FBXL7: variants seen among roughly 807,000 people sequenced by gnomAD.
FBXL7 encodes the protein F-box and leucine rich repeat protein 7.
In FBXL7, 12 loss-of-function variants were observed where a neutral mutation model predicts 38.3. The ratio of observed to expected loss-of-function variants is 0.31; its 90% CI spans 0.20 to 0.51. The LOEUF is 0.51. Ranked by LOEUF, FBXL7 falls within the 20% of genes least tolerant of loss-of-function variation. The probability of loss-of-function intolerance (pLI) is 0.98; values close to 1 mark genes in which losing one functional copy is unlikely to be tolerated. For synonymous variants in FBXL7, 297 were observed against 300.9 expected, an observed-to-expected ratio of 0.99 and a Z score of 0.13; for missense variants, 567 against 676.4, an observed-to-expected ratio of 0.84 and a Z score of 1.79.
intron 1 of FBXL7, among the ~76,000 whole-genome samples, chr5:15,584,748 G>A (rs976314023): frequency 1.3e-5 from 2 of 152,136 alleles, no homozygotes; most frequent in African/African-American, 4.8e-5. Context: ...CCAGTTTACT[G>A]TATTAGTCCA....
chr5:15,662,915 G>T (rs1263413410), intron 2 of FBXL7, among the ~76,000 whole-genome samples: 3 of 152,164 alleles, frequency 2.0e-5, no homozygotes, highest in African/African-American at 7.2e-5. Context: ...CTGTAGTATA[G>T]TTTGAAGTCA....
chr5:15,814,667 AT>A (rs781060148), intron 2 of FBXL7, among the ~76,000 whole-genome samples: 2 of 152,174 alleles, frequency 1.3e-5, no homozygotes, highest in African/African-American at 2.4e-5. Context: ...ATTTAAAAAA[AT>A]GTTCCATGAT....
intron 2 of FBXL7, among the ~76,000 whole-genome samples, chr5:15,717,397 C>T (rs369010619): frequency 2.0e-5 from 3 of 152,146 alleles, no homozygotes; most frequent in South Asian, 2.1e-4. Flanking sequence ...CAAAACAATT[C>T]GAAAGATGTT....
intron 2 of FBXL7, among the ~76,000 whole-genome samples, chr5:15,766,184 A>G (rs935418430): frequency 6.6e-6 from 1 of 152,144 alleles, no homozygotes; most frequent in Admixed American, 6.6e-5. Context: ...CATTCCCCAA[A>G]TACGGAATGC....
intron 2 of FBXL7, among the ~76,000 whole-genome samples, chr5:15,875,310 C>T (rs564913377): frequency 1.3e-5 from 2 of 152,306 alleles, no homozygotes; most frequent in South Asian, 4.1e-4. Context: ...CATAAAAACC[C>T]TAGAAGAAAA....
chr5:15,641,010 A>G (rs1741350940), intron 2 of FBXL7, among the ~76,000 whole-genome samples: 1 of 152,186 alleles, frequency 6.6e-6, no homozygotes, highest in African/African-American at 2.4e-5. Flanking sequence ...CCCAGCCACT[A>G]TTGTGAATAG....
At chr5:15,561,461 C>T (rs765776697) in intron 1 of FBXL7, among the ~76,000 whole-genome samples, 27 of 152,080 alleles carry the variant, frequency 1.8e-4, no homozygotes, top group Non-Finnish European at 3.5e-4. Context: ...TGCATTCATC[C>T]GCTGATGGAT....
intron 2 of FBXL7, among the ~76,000 whole-genome samples, chr5:15,653,890 A>C (rs994785708): frequency 1.3e-5 from 2 of 152,196 alleles, no homozygotes; most frequent in Non-Finnish European, 1.5e-5. Flanking sequence ...AGTTTTCCTA[A>C]CTTTGCATGA....
chr5:15,833,500 G>A (rs1738511542), intron 2 of FBXL7, among the ~76,000 whole-genome samples: 1 of 152,220 alleles, frequency 6.6e-6, no homozygotes, highest in Non-Finnish European at 1.5e-5. Context: ...CAGTCCCAGA[G>A]TGCGTTATTT....
intron 2 of FBXL7, among the ~76,000 whole-genome samples, chr5:15,872,912 A>G (rs1222820952): frequency 6.6e-6 from 1 of 151,980 alleles, no homozygotes; most frequent in East Asian, 1.9e-4. Context: ...ACTTGAACTC[A>G]GCTCTGGACC....
intron 2 of FBXL7, among the ~76,000 whole-genome samples, chr5:15,668,986 G>A (rs1742373578): frequency 6.6e-6 from 1 of 152,180 alleles, no homozygotes; most frequent in Admixed American, 6.5e-5. Context: ...ACAATGCTTA[G>A]AGTGAGGGAT....
chr5:15,840,269 C>A (rs1738706502), intron 2 of FBXL7, among the ~76,000 whole-genome samples: 1 of 152,148 alleles, frequency 6.6e-6, no homozygotes, highest in Non-Finnish European at 1.5e-5. Context: ...TCTCACTGAT[C>A]TATTTTTCTA....
At chr5:15,880,698 G>T (rs1349271329) in intron 2 of FBXL7, among the ~76,000 whole-genome samples, 2 of 130,584 alleles carry the variant, frequency 1.5e-5, no homozygotes, top group Non-Finnish European at 3.1e-5. Flanking sequence ...ACTCTACTTA[G>T]TATATATAAT....
At chr5:15,662,982 GCT>G (rs1180262747) in intron 2 of FBXL7, among the ~76,000 whole-genome samples, 1 of 152,112 alleles carries the variant, frequency 6.6e-6, no homozygotes, top group African/African-American at 2.4e-5. Flanking sequence ...GGCTATTTGG[GCT>G]CTTTTTTTGG....
intron 2 of FBXL7, among the ~76,000 whole-genome samples, chr5:15,666,037 G>A (rs976980499): frequency 2.6e-5 from 4 of 152,086 alleles, no homozygotes; most frequent in Non-Finnish European, 4.4e-5. Context: ...CAGAGTTGCT[G>A]TCCCTTCCAT....
intron 1 of FBXL7, among the ~76,000 whole-genome samples, chr5:15,579,443 A>G (rs1455748357): frequency 6.6e-6 from 1 of 152,230 alleles, no homozygotes; most frequent in Non-Finnish European, 1.5e-5. Context: ...TTCCTTATCC[A>G]GAAAATCAGT....
intron 2 of FBXL7, among the ~76,000 whole-genome samples, chr5:15,643,594 A>G (rs955901278): frequency 6.6e-6 from 1 of 152,134 alleles, no homozygotes; most frequent in African/African-American, 2.4e-5. Flanking sequence ...TGAAATGTTA[A>G]GTGTGGAACT....
At chr5:15,819,506 A>T (rs257748) in intron 2 of FBXL7, among the ~76,000 whole-genome samples, 80,677 of 152,010 alleles carry the variant, frequency 0.53, 22,698 homozygotes, top group Non-Finnish European at 0.64. Context: ...GAGTGTTCTC[A>T]ACATATTTAA....
At chr5:15,802,920 T>A (rs1056639925) in intron 2 of FBXL7, among the ~76,000 whole-genome samples, 32 of 152,184 alleles carry the variant, frequency 2.1e-4, no homozygotes, top group African/African-American at 7.0e-4. Flanking sequence ...CCTGAAGTGC[T>A]GGGATTATAG....
Sources: gnomAD v4.1 joint callset for allele counts (sites outside exome capture counted in the v4.1 genomes callset) on GRCh38, gnomAD v4.1.1 for gene constraint, MANE v1.5 for transcripts, NCBI Gene and HGNC (gene_info 2026-07-23, HGNC 2026-07-21) for gene names.